DOCK8: variants seen among roughly 807,000 people sequenced by gnomAD.
DOCK8 encodes dedicator of cytokinesis protein 8.
A neutral mutation model predicts 245.6 loss-of-function variants in DOCK8; 141 were observed. The observed-to-expected ratio is 0.57, with a 90% CI of 0.50 to 0.66. The LOEUF is 0.66. Among genes scored for constraint, DOCK8 ranks in the 30% least tolerant of loss-of-function variants. The probability of loss-of-function intolerance (pLI) is 0.00; values close to 1 mark genes in which losing one functional copy is unlikely to be tolerated. For missense variants in DOCK8, 2,965 were observed against 2,603.4 expected (o/e 1.14, Z -3.02); for synonymous variants, 1,168 against 970.2 (o/e 1.20, Z -3.79).
At chr9:279,827 G>A (rs1281790930) in intron 2 of DOCK8, among the ~76,000 whole-genome samples, 2 of 152,148 alleles carry the variant, frequency 1.3e-5, no homozygotes, top group African/African-American at 4.8e-5. Context: ...CCTCTTCCCC[G>A]TCCCCACCAG....
Position 432,158 on chromosome 9 carries a change from T to G in DOCK8, c.4627-8T>G, listed in dbSNP as rs747220719. On this transcript the variant is annotated splice_region_variant and splice_polypyrimidine_tract_variant and intron_variant, in intron 36 of 47. Coordinates refer to ENST00000432829, the MANE Select transcript of DOCK8 (RefSeq NM_203447.4). The stretch of plus-strand genomic sequence containing the variant: ...ACTTCATCTTTTTTTTTTTTTTCAC[T>G]GATGCAGAATTTTGCAAGAGTAAAG... 5 of 1,611,492 alleles carry G rather than the reference T, an allele frequency of 3.1e-6. No individual in the cohort carries two copies. In the East Asian group the frequency reaches 6.7e-5, roughly 22 times the overall value.
chr9:225,172 G>A (rs1170019922), intron 1 of DOCK8, among the ~76,000 whole-genome samples: 3 of 150,894 alleles, frequency 2.0e-5, no homozygotes, highest in Admixed American at 2.0e-4. Flanking sequence ...TCCAGCTGGG[G>A]TGAGTGGGTG....
At chr9:324,584 T>C (rs1391893773) in intron 7 of DOCK8, among the ~76,000 whole-genome samples, 3 of 152,132 alleles carry the variant, frequency 2.0e-5, no homozygotes, top group African/African-American at 7.2e-5. Context: ...GGCTCATCTT[T>C]CTAGCTCTCA....
chr9:291,251 C>T (rs1192656227), intron 4 of DOCK8, among the ~76,000 whole-genome samples: 1 of 152,100 alleles, frequency 6.6e-6, no homozygotes, highest in African/African-American at 2.4e-5. Context: ...GCAATGCACG[C>T]TTCTTGGAGT....
At chr9:414,162 C>T (rs1381465667) in intron 28 of DOCK8, among the ~76,000 whole-genome samples, 3 of 151,446 alleles carry the variant, frequency 2.0e-5, no homozygotes, top group African/African-American at 7.3e-5. Context: ...CAGACAGTTA[C>T]CATACAAGCC....
intron 24 of DOCK8, among the ~76,000 whole-genome samples, chr9:394,562 C>G (rs2131379361): frequency 6.6e-6 from 1 of 152,344 alleles, no homozygotes; most frequent in East Asian, 1.9e-4. Flanking sequence ...GGCATTAGAG[C>G]TGTTAAACAC....
chr9:363,838 G>A (rs1246581051), intron 14 of DOCK8, among the ~76,000 whole-genome samples: 1 of 152,158 alleles, frequency 6.6e-6, no homozygotes, highest in Non-Finnish European at 1.5e-5. Context: ...GCAGTGGTGG[G>A]GGTGCATGGG....
At chr9:377,435 T>G (rs923548864) in intron 20 of DOCK8, among the ~76,000 whole-genome samples, 3 of 152,232 alleles carry the variant, frequency 2.0e-5, no homozygotes, top group Non-Finnish European at 4.4e-5. Flanking sequence ...TTATAGCTTT[T>G]TGTAAACTTT....
chr9:271,672 C>T lies in DOCK8; in HGVS notation c.99C>T (p.Asn33=). The T allele has an allele frequency of 6.4e-7, 1 of 1,551,808 alleles. No individual in the cohort carries two copies. The highest frequency in any genetic ancestry group is 8.7e-7 in the Non-Finnish European group (1 of 1,146,882). Residue 33 remains asparagine (N), a synonymous_variant, in exon 2 of 48, where the codon AAC becomes AAT. Transcript: ENST00000432829. The stretch of plus-strand genomic sequence containing the variant: ...GGAAACAGTTTACTCTCCCACCAAA[C>T]CTTGGCCAGTACCATCGACAGAGCA... ...EIRKQFTLPP[N]LGQYHRQSIS... is the part of the protein sequence containing the mutation.
At chr9:407,948 A>G (rs2055518034) in intron 28 of DOCK8, among the ~76,000 whole-genome samples, 1 of 152,186 alleles carries the variant, frequency 6.6e-6, no homozygotes, top group Admixed American at 6.5e-5. Flanking sequence ...GATTAGGCAT[A>G]CAGAATTGCA....
intron 26 of DOCK8, among the ~76,000 whole-genome samples, chr9:400,738 C>T (rs1234015161): frequency 6.8e-5 from 8 of 118,466 alleles, no homozygotes; most frequent in Non-Finnish European, 1.3e-4. Context: ...CCTCCACCAC[C>T]ACCAGCATCT....
intron 33 of DOCK8, among the ~76,000 whole-genome samples, chr9:426,459 C>T (rs2056505298): frequency 6.6e-6 from 1 of 152,230 alleles, no homozygotes; most frequent in African/African-American, 2.4e-5. Flanking sequence ...GTTCACATCA[C>T]ATCCAGTCTC....
chr9:347,861 C>T (rs879591920), intron 14 of DOCK8, among the ~76,000 whole-genome samples: 7 of 152,094 alleles, frequency 4.6e-5, no homozygotes, highest in South Asian at 4.2e-4. Context: ...GCAAAGCTAC[C>T]GTTCCAGTAT....
At chr9:400,955 ACCACCACCACCTCCT>A (rs1272290296) in intron 26 of DOCK8, among the ~76,000 whole-genome samples, 2 of 119,748 alleles carry the variant, frequency 1.7e-5, no homozygotes, top group South Asian at 2.9e-4. Flanking sequence ...CATCACCACC[ACCACCACCACCTCCT>A]CCACCATCAC....
Position 386,359 on chromosome 9 carries a change from C to G in DOCK8, c.2807C>G (p.Ser936Cys), listed in dbSNP as rs1337603883. 2 of 1,613,966 alleles carry G rather than the reference C, an allele frequency of 1.2e-6. No individual in the cohort carries two copies. Among genetic ancestry groups the G allele is most frequent in the Non-Finnish European group, 1.7e-6 (2 of 1,179,888 alleles). Reference sequence around the variant, plus strand: ...GCCGATCGCAACTGCAGCCGAATGTCTTACTATTGCTCTGGCAGTAGTGAT... The same window carrying G: ...GCCGATCGCAACTGCAGCCGAATGTGTTACTATTGCTCTGGCAGTAGTGAT... Reference protein sequence around the residue: ...KIADRNCSRMSYYCSGSSDAP... With the variant: ...KIADRNCSRMCYYCSGSSDAP... Residue 936 changes from serine (S) to cysteine (C), a missense_variant, in exon 23 of 48, where the codon TCT becomes TGT. Physicochemically the swap from Ser to Cys is moderately radical, Grantham distance 112 (BLOSUM62 -1). Coordinates refer to ENST00000432829, the MANE Select transcript of DOCK8 (RefSeq NM_203447.4).
At chr9:281,319 T>C (rs1380585888) in intron 2 of DOCK8, among the ~76,000 whole-genome samples, 1 of 152,224 alleles carries the variant, frequency 6.6e-6, no homozygotes, top group Non-Finnish European at 1.5e-5. Flanking sequence ...ACGAATGATA[T>C]GCATACTCTG....
At chr9:243,923 G>GC (rs1389986623) in intron 1 of DOCK8, among the ~76,000 whole-genome samples, 2 of 152,056 alleles carry the variant, frequency 1.3e-5, no homozygotes, top group Non-Finnish European at 2.9e-5. Context: ...GGTGGCTCAT[G>GC]CCTGTAATCC....
intron 23 of DOCK8, 51 bp from the exon 24 acceptor site, chr9:390,420 G>C: frequency 6.6e-7 from 1 of 1,525,358 alleles, no homozygotes; most frequent in Non-Finnish European, 9.1e-7. Context: ...AAGTGTTGGT[G>C]AATAATAATA....
chr9:449,122 A>G (rs7031707), intron 44 of DOCK8, among the ~76,000 whole-genome samples: 106,852 of 151,756 alleles, frequency 0.7, 38,864 homozygotes, highest in East Asian at 0.99. Context: ...AGGCCGAGGC[A>G]GGGGGATTGC....
Sources: gnomAD v4.1 joint callset for allele counts (sites outside exome capture counted in the v4.1 genomes callset) on GRCh38, gnomAD v4.1.1 for gene constraint, MANE v1.5 for transcripts, NCBI Gene and HGNC (gene_info 2026-07-23, HGNC 2026-07-21) for gene names.